Variants in FAM168A observed in about 807,000 individuals in gnomAD.
FAM168A encodes protein FAM168A.
Under a neutral mutation model 28.5 loss-of-function variants are expected in FAM168A, and 3 were observed. That is an observed-to-expected ratio of 0.11 (90% CI 0.05 to 0.27). FAM168A has a LOEUF of 0.27. Among genes scored for constraint, FAM168A ranks in the 10% least tolerant of loss-of-function variants. The pLI is 1.00. For missense variants in FAM168A, 222 were observed against 311.5 expected, an observed-to-expected ratio of 0.71 and a Z score of 2.16; for synonymous variants, 122 against 124.2, an observed-to-expected ratio of 0.98 and a Z score of 0.12.
Position 73,554,410 on chromosome 11 carries a change from A to T in FAM168A, c.-19+43513T>A, listed in dbSNP as rs572419359. Among the ~76,000 whole-genome samples the T allele has an allele frequency of 3.4e-4, 51 of 152,142 alleles. 1 individual carries two copies. In the South Asian group the frequency reaches 7.7e-3, roughly 23 times the overall value. On this transcript the variant is annotated intron_variant, in intron 1 of 7. Coordinates refer to ENST00000356467, the MANE Select transcript of FAM168A (RefSeq NM_015159.3). ...AATGCTTATGATATAATGTTAAATTAAAAAATACTCCAAAAGACTACCTAT... is the reference window on the plus strand; with the variant it reads ...AATGCTTATGATATAATGTTAAATTTAAAAATACTCCAAAAGACTACCTAT...
At chr11:73,513,774 CCTGT>C in intron 1 of FAM168A, among the ~76,000 whole-genome samples, 1 of 152,220 alleles carries the variant, frequency 6.6e-6, no homozygotes, top group Middle Eastern at 3.4e-3. Flanking sequence ...CATAATTCTG[CCTGT>C]CTAATATAAC....
At chr11:73,433,354 A>G (rs1289189398) in intron 2 of FAM168A, among the ~76,000 whole-genome samples, 1 of 143,178 alleles carries the variant, frequency 7.0e-6, no homozygotes, top group Non-Finnish European at 1.5e-5. Context: ...CTTTCTTTAT[A>G]AAGCCTTTGA....
At chr11:73,421,450 G>A (rs1347746062) in intron 3 of FAM168A, among the ~76,000 whole-genome samples, 1 of 152,194 alleles carries the variant, frequency 6.6e-6, no homozygotes, top group African/African-American at 2.4e-5. Context: ...AGGAAATCAT[G>A]GGCAGGAAAG....
chr11:73,472,959 T>C (rs12277462), intron 1 of FAM168A, among the ~76,000 whole-genome samples: 11 of 151,942 alleles, frequency 7.2e-5, no homozygotes, highest in Non-Finnish European at 1.0e-4. Flanking sequence ...CAACACCCCA[T>C]AGAAGGTTAG....
chr11:73,586,534 G>A (rs1049783869), intron 1 of FAM168A, among the ~76,000 whole-genome samples: 10 of 152,122 alleles, frequency 6.6e-5, no homozygotes, highest in African/African-American at 2.2e-4. Context: ...GCACAATGTC[G>A]GTACACAATG....
chr11:73,419,780 A>G (rs1035823008), intron 4 of FAM168A, 94 bp downstream of exon 4: 37 of 1,484,040 alleles, frequency 2.5e-5, no homozygotes, highest in Non-Finnish European at 3.4e-5. Flanking sequence ...TTTATCTCAT[A>G]AATGTCATTT....
At chr11:73,433,693 C>T (rs1343029980) in intron 2 of FAM168A, among the ~76,000 whole-genome samples, 1 of 152,054 alleles carries the variant, frequency 6.6e-6, no homozygotes, top group South Asian at 2.1e-4. Context: ...TATGTAGATA[C>T]ATCATTTAAC....
intron 5 of FAM168A, among the ~76,000 whole-genome samples, chr11:73,411,025 T>C (rs543705680): frequency 1.4e-4 from 22 of 152,352 alleles, no homozygotes; most frequent in South Asian, 1.0e-3. Context: ...GACTAAGACG[T>C]TGGGGTCTCA....
At chr11:73,546,828 T>A (rs911937803) in intron 1 of FAM168A, among the ~76,000 whole-genome samples, 12 of 152,164 alleles carry the variant, frequency 7.9e-5, no homozygotes, top group African/African-American at 2.2e-4. Flanking sequence ...TTACAAAAAT[T>A]ACATATGTGT....
chr11:73,439,999 C>A (rs777539288), intron 2 of FAM168A, among the ~76,000 whole-genome samples: 8 of 150,582 alleles, frequency 5.3e-5, no homozygotes, highest in Non-Finnish European at 1.2e-4. Flanking sequence ...GATTCTCCTG[C>A]CTCAGCCTCC....
chr11:73,538,352 A>AG (rs1474516806), intron 1 of FAM168A, among the ~76,000 whole-genome samples: 6 of 152,006 alleles, frequency 3.9e-5, no homozygotes, highest in African/African-American at 1.2e-4. Flanking sequence ...AAAAAAAAAA[A>AG]AGAGAGAGAG....
In FAM168A at chr11:73,418,809, A is replaced by ATT. The variant is rs61036118; in HGVS notation, c.277+1063_277+1064dup. Among the ~76,000 whole-genome samples, 18 of 136,208 alleles carry ATT rather than the reference A, an allele frequency of 1.3e-4. No homozygotes were observed. The East Asian group carries it at 1.5e-3, about 11-fold the overall frequency. The allele number at this position is 136,208 out of a possible 152,430, so 89.4% of individuals were successfully genotyped here. On this transcript the variant is annotated intron_variant, in intron 4 of 7. Coordinates refer to ENST00000356467, the MANE Select transcript of FAM168A (RefSeq NM_015159.3). ...AGTCAAAATGCCACTCAGTAATTTC[A>ATT]TTTTTTTTTTTTTTTTTGAGACGGA...
intron 3 of FAM168A, chr11:73,425,069 T>C: frequency 2.0e-6 from 3 of 1,521,756 alleles, no homozygotes; most frequent in East Asian, 2.5e-5. Context: ...GAAATGTTAG[T>C]TGAAATTACC....
At position 73,409,536 on chromosome 11, in the gene FAM168A, G is replaced by A. The variant is rs369637071; in HGVS notation, c.546C>T (p.Asn182=). 3.5e-5 allele frequency: 57 copies of A among 1,613,928 alleles called. 1 individual carries two copies. The South Asian group carries it at 4.1e-4, about 12-fold the overall frequency. The change falls in exon 6 of 8, where the codon AAC becomes AAT. Residue 182 remains asparagine (N), a synonymous_variant. Transcript: ENST00000356467. The stretch of plus-strand genomic sequence containing the variant: ...CTGCCACCATGCCCATGGCCACACC[G>A]TTGGTCCTCGGGGCGGCAACAGGTG... The part of the protein sequence containing the change: ...YPAPVAAPRT[N]GVAMGMVAGT...
chr11:73,585,810 G>A (rs886391857), intron 1 of FAM168A, among the ~76,000 whole-genome samples: 1 of 142,182 alleles, frequency 7.0e-6, no homozygotes, highest in Admixed American at 7.6e-5. Context: ...AGAGGCTGCA[G>A]TGAGCCAAGA....
At chr11:73,587,446 C>A (rs978824044) in intron 1 of FAM168A, among the ~76,000 whole-genome samples, 3 of 151,224 alleles carry the variant, frequency 2.0e-5, no homozygotes, top group African/African-American at 7.3e-5. Flanking sequence ...GAGCCCAGAT[C>A]GCACCACTGC....
At chr11:73,589,429 C>T (rs1944354364) in intron 1 of FAM168A, among the ~76,000 whole-genome samples, 1 of 146,344 alleles carries the variant, frequency 6.8e-6, no homozygotes, top group South Asian at 2.2e-4. Context: ...CCCTGGGCTA[C>T]ACTGGAAGAA....
At chr11:73,459,727 T>C (rs1005914666) in intron 2 of FAM168A, among the ~76,000 whole-genome samples, 1 of 152,100 alleles carries the variant, frequency 6.6e-6, no homozygotes, top group Non-Finnish European at 1.5e-5. Context: ...AAAAGAATAA[T>C]TGCTGTAAAC....
intron 1 of FAM168A, chr11:73,580,362 G>A: frequency 1.7e-6 from 1 of 600,224 alleles, no homozygotes; most frequent in South Asian, 1.4e-5. Context: ...TCCAAAGATA[G>A]AGCCCAGGCC....
Sources: allele counts gnomAD v4.1 joint callset (sites outside exome capture counted in the v4.1 genomes callset), GRCh38; gene constraint gnomAD v4.1.1; transcripts MANE v1.5; gene names NCBI Gene and HGNC (gene_info 2026-07-23, HGNC 2026-07-21).